The following GPBP1 variants were observed in gnomAD, a reference collection of about 807,000 sequenced individuals.
GPBP1 encodes GC-rich promoter binding protein 1.
A neutral mutation model predicts 56.5 loss-of-function variants in GPBP1; 13 were observed. That is an observed-to-expected ratio of 0.23 (90% CI 0.15 to 0.37). The LOEUF is 0.37. Ranked by LOEUF, GPBP1 falls within the 10% of genes least tolerant of loss-of-function variation. GPBP1 has a pLI of 1.00. For missense variants in GPBP1, 477 were observed against 572.3 expected (o/e 0.83, Z 1.70); for synonymous variants, 204 against 188.9 (o/e 1.08, Z -0.66).
intron 2 of GPBP1, among the ~76,000 whole-genome samples, chr5:57,187,003 AGTGTGTGTGTGT>A (rs66642664): frequency 0.032 from 4,666 of 146,768 alleles, 236 homozygotes; most frequent in African/African-American, 0.11. Flanking sequence ...GACTCAGAGA[AGTGTGTGTGTGT>A]GTGTGTGTGT....
chr5:57,226,620 C>T (rs1476661155), intron 3 of GPBP1, among the ~76,000 whole-genome samples: 20 of 126,750 alleles, frequency 1.6e-4, no homozygotes, highest in African/African-American at 5.9e-4. Context: ...AGTGCAGTGG[C>T]GCGATCTCAG....
intron 2 of GPBP1, among the ~76,000 whole-genome samples, chr5:57,201,820 C>G (rs896675404): frequency 1.3e-5 from 2 of 152,042 alleles, no homozygotes; most frequent in African/African-American, 4.8e-5. Flanking sequence ...TGTTAACATT[C>G]AGTAATTGCT....
intron 3 of GPBP1, among the ~76,000 whole-genome samples, chr5:57,219,945 G>A (rs974629684): frequency 6.6e-6 from 1 of 151,694 alleles, no homozygotes; most frequent in African/African-American, 2.4e-5. Flanking sequence ...CTAGCTACTC[G>A]GGAGGCTGAG....
At chr5:57,190,694 CTTTTTT>C (rs773540051) in intron 2 of GPBP1, among the ~76,000 whole-genome samples, 3 of 68,868 alleles carry the variant, frequency 4.4e-5, no homozygotes, top group African/African-American at 5.8e-5. Context: ...TTGCTGTTAG[CTTTTTT>C]TTTTTTTTTT....
At chr5:57,211,686 C>G (rs1293607761) in intron 2 of GPBP1, among the ~76,000 whole-genome samples, 1 of 151,904 alleles carries the variant, frequency 6.6e-6, no homozygotes, top group Non-Finnish European at 1.5e-5. Context: ...CGGGTTCAAG[C>G]AATTCTCCTG....
At chr5:57,198,587 A>T (rs1042480129) in intron 2 of GPBP1, among the ~76,000 whole-genome samples, 1 of 152,096 alleles carries the variant, frequency 6.6e-6, no homozygotes, top group Non-Finnish European at 1.5e-5. Flanking sequence ...GCGCAGTCAC[A>T]CCTGTAATCT....
chr5:57,221,503 A>T, intron 3 of GPBP1: 1 of 697,440 alleles, frequency 1.4e-6, no homozygotes, highest in Non-Finnish European at 2.5e-6. Context: ...TGTAAACAGG[A>T]TGCTGTATCT....
At chr5:57,182,917 A>G (rs1381593440) in intron 2 of GPBP1, among the ~76,000 whole-genome samples, 1 of 151,986 alleles carries the variant, frequency 6.6e-6, no homozygotes, top group Non-Finnish European at 1.5e-5. Context: ...TCCTAATCTC[A>G]AGTGTTCCTC....
chr5:57,223,623 C>T (rs1296731613), intron 3 of GPBP1, among the ~76,000 whole-genome samples: 1 of 151,990 alleles, frequency 6.6e-6, no homozygotes, highest in Admixed American at 6.6e-5. Context: ...TAAAACTCCA[C>T]CTTCCTTACC....
chr5:57,183,721 TC>T (rs1754163447), intron 2 of GPBP1, among the ~76,000 whole-genome samples: 1 of 152,014 alleles, frequency 6.6e-6, no homozygotes, highest in East Asian at 1.9e-4. Context: ...AATTAACATT[TC>T]AAGAGTTGAT....
intron 10 of GPBP1, among the ~76,000 whole-genome samples, chr5:57,257,576 C>G (rs968258137): frequency 6.6e-6 from 1 of 152,060 alleles, no homozygotes; most frequent in African/African-American, 2.4e-5. Context: ...GACTTGGGTA[C>G]CAGTCAGAGG....
chr5:57,222,028 T>G (rs1273846782), intron 3 of GPBP1, among the ~76,000 whole-genome samples: 1 of 152,104 alleles, frequency 6.6e-6, no homozygotes, highest in South Asian at 2.1e-4. Context: ...AACTTTAGTT[T>G]TGTTTTTTTG....
At position 57,264,246 on chromosome 5, in the gene GPBP1, A is replaced by G. The variant is rs1364880126; in HGVS notation, c.*1494A>G. The G allele has an allele frequency of 6.6e-6, 1 of 152,198 alleles. No homozygotes were observed. The highest frequency in any genetic ancestry group is 1.5e-5 in the Non-Finnish European group (1 of 68,016). 9.4% of individuals were successfully genotyped at this position (152,198 alleles called of 1,614,324 possible). A position where few individuals can be genotyped will look rare whatever the true frequency, so the allele number is the denominator to read the frequency against. On this transcript the variant is annotated 3_prime_UTR_variant, in exon 12 of 12. Transcript: ENST00000506184. Reference sequence around the variant, plus strand: ...TTAAATAGACCTTATACTTAAAATAAGGTTTCACTATATAATTTGTCACAA... The same window carrying G: ...TTAAATAGACCTTATACTTAAAATAGGGTTTCACTATATAATTTGTCACAA...
intron 3 of GPBP1, among the ~76,000 whole-genome samples, chr5:57,218,145 TCCCCCTC>T (rs1755780808): frequency 6.6e-6 from 1 of 152,100 alleles, no homozygotes; most frequent in African/African-American, 2.4e-5. Context: ...ATTTGGATTC[TCCCCCTC>T]AAAGCAGTTC....
At chr5:57,202,217 C>G (rs1362257852) in intron 2 of GPBP1, among the ~76,000 whole-genome samples, 1 of 150,620 alleles carries the variant, frequency 6.6e-6, no homozygotes, top group Admixed American at 6.6e-5. Flanking sequence ...ACTCCTGGGC[C>G]CAAGCAGTCG....
intron 3 of GPBP1, among the ~76,000 whole-genome samples, chr5:57,227,225 G>T (rs1756236768): frequency 6.6e-6 from 1 of 151,964 alleles, no homozygotes; most frequent in Non-Finnish European, 1.5e-5. Context: ...GCTAATTTTT[G>T]TACTTTTAGT....
chr5:57,203,201 TAGG>T (rs895660757), intron 2 of GPBP1, among the ~76,000 whole-genome samples: 1 of 152,234 alleles, frequency 6.6e-6, no homozygotes, highest in Non-Finnish European at 1.5e-5. Flanking sequence ...TTATTTTTCT[TAGG>T]AGGCTGAATG....
In GPBP1 at chr5:57,231,182, A is replaced by G. The variant is rs1756442340; in HGVS notation, c.272A>G (p.His91Arg). 3 of 1,614,200 alleles carry G rather than the reference A, an allele frequency of 1.9e-6. No individual in the cohort carries two copies. The highest frequency in any genetic ancestry group is 1.1e-5 in the South Asian group (1 of 91,088). ...TENINHRGGY[H>R]GGSSRSRSSI... Reference sequence around the variant, plus strand: ...AACATAAATCATCGAGGTGGATACCATGGTGGAAGTTCCCGTTCTCGTAGC... The same window carrying G: ...AACATAAATCATCGAGGTGGATACCGTGGTGGAAGTTCCCGTTCTCGTAGC... The change falls in exon 5 of 12, where the codon CAT (histidine) becomes CGT (arginine). Residue 91 changes from histidine (H) to arginine (R), a missense_variant. His to Arg is a conservative substitution (Grantham distance 29). This residue lies in a region of GPBP1 where 414 missense variants were observed against 458.2 expected (regional missense o/e 0.90). Coordinates refer to ENST00000506184, the MANE Select transcript of GPBP1 (RefSeq NM_022913.4).
At chr5:57,192,173 G>A (rs1300677484) in intron 2 of GPBP1, among the ~76,000 whole-genome samples, 1 of 152,088 alleles carries the variant, frequency 6.6e-6, no homozygotes, top group African/African-American at 2.4e-5. Context: ...ATTGTTTCTG[G>A]AACACTGGCT....
Sources: allele counts gnomAD v4.1 joint callset (sites outside exome capture counted in the v4.1 genomes callset), GRCh38; gene constraint gnomAD v4.1.1; regional missense constraint gnomAD v4.1.1; transcripts MANE v1.5; gene names NCBI Gene and HGNC (gene_info 2026-07-23, HGNC 2026-07-21).